The following NKAIN2 variants were observed in gnomAD, a reference collection of about 807,000 sequenced individuals.
NKAIN2 encodes the protein sodium/potassium transporting ATPase interacting 2.
In NKAIN2, 14 loss-of-function variants were observed where a neutral mutation model predicts 32.6. The observed-to-expected ratio is 0.43, with a 90% confidence interval of 0.28 to 0.67. The LOEUF is 0.67. NKAIN2 is among the 30% of genes least tolerant of loss of function. NKAIN2 has a pLI of 0.17. For synonymous variants in NKAIN2, 80 were observed against 87.2 expected (o/e 0.92, Z 0.46); for missense variants, 198 against 258.3 (o/e 0.77, Z 1.60).
chr6:124,030,769 T>G (rs1395340175), intron 1 of NKAIN2, among the ~76,000 whole-genome samples: 1 of 152,172 alleles, frequency 6.6e-6, no homozygotes, highest in East Asian at 1.9e-4. Context: ...CCTAAGTTAG[T>G]GTCTGGAATG....
intron 1 of NKAIN2, among the ~76,000 whole-genome samples, chr6:124,191,906 A>G (rs1369816909): frequency 6.8e-6 from 1 of 147,218 alleles, no homozygotes; most frequent in Non-Finnish European, 1.5e-5. Flanking sequence ...TATTGGTCTA[A>G]AGATGTTGGT....
In NKAIN2 at chr6:123,819,223, TC is replaced by T. The variant is rs549829123; in HGVS notation, c.54+14971del. Reference sequence around the variant, plus strand: ...TGCTCAGGGTGAAAAGCAGGAGTCTTCCATCTGTATGCCTCGGGAATAGTAT... The same window carrying T: ...TGCTCAGGGTGAAAAGCAGGAGTCTTCATCTGTATGCCTCGGGAATAGTAT... On this transcript the variant is annotated intron_variant, in intron 1 of 6. Transcript: ENST00000368417. 7.9e-5 allele frequency among the ~76,000 whole-genome samples: 12 copies of T among 152,276 alleles called. No homozygotes were observed. The South Asian group carries it at 2.3e-3, about 29-fold the overall frequency.
chr6:124,472,169 AC>A (rs2114675141), intron 3 of NKAIN2, among the ~76,000 whole-genome samples: 1 of 152,260 alleles, frequency 6.6e-6, no homozygotes, highest in Non-Finnish European at 1.5e-5. Flanking sequence ...TCTGTAACAC[AC>A]ACCTAAGAAT....
chr6:124,542,559 A>G (rs1779950037), intron 3 of NKAIN2, among the ~76,000 whole-genome samples: 1 of 152,154 alleles, frequency 6.6e-6, no homozygotes, highest in Non-Finnish European at 1.5e-5. Context: ...GAAGACCTCC[A>G]CAACTGCCTA....
At chr6:123,861,748 A>T (rs540548337) in intron 1 of NKAIN2, among the ~76,000 whole-genome samples, 1 of 152,050 alleles carries the variant, frequency 6.6e-6, no homozygotes, top group South Asian at 2.1e-4. Context: ...TTTATTTTTT[A>T]TTTTTTCCTA....
chr6:124,763,892 C>T (rs373166814), intron 4 of NKAIN2, among the ~76,000 whole-genome samples: 2 of 152,014 alleles, frequency 1.3e-5, no homozygotes, highest in South Asian at 4.1e-4. Context: ...CATTTGCTTC[C>T]CTCAAATGTT....
intron 1 of NKAIN2, among the ~76,000 whole-genome samples, chr6:123,947,957 G>A (rs1418271342): frequency 2.6e-5 from 4 of 151,832 alleles, no homozygotes; most frequent in Non-Finnish European, 5.9e-5. Context: ...ATCTCTTATT[G>A]TCTACCTCCA....
At chr6:123,978,721 A>G (rs973557206) in intron 1 of NKAIN2, among the ~76,000 whole-genome samples, 1 of 152,180 alleles carries the variant, frequency 6.6e-6, no homozygotes, top group African/African-American at 2.4e-5. Context: ...ACACACACAT[A>G]TTAGACACTC....
At chr6:124,273,806 T>A (rs891481276) in intron 1 of NKAIN2, among the ~76,000 whole-genome samples, 4 of 152,204 alleles carry the variant, frequency 2.6e-5, no homozygotes, top group Non-Finnish European at 5.9e-5. Flanking sequence ...TTGTATCAGT[T>A]GAGACTCCTT....
At chr6:124,115,916 G>A (rs1378675900) in intron 1 of NKAIN2, among the ~76,000 whole-genome samples, 2 of 151,956 alleles carry the variant, frequency 1.3e-5, no homozygotes, top group Non-Finnish European at 2.9e-5. Context: ...TGGTGTCTTA[G>A]TGTGCTATGT....
chr6:124,252,817 C>T (rs543252055), intron 1 of NKAIN2, among the ~76,000 whole-genome samples: 1 of 151,994 alleles, frequency 6.6e-6, no homozygotes, highest in Non-Finnish European at 1.5e-5. Flanking sequence ...CCTCAGTATC[C>T]TTATCTCTAA....
intron 1 of NKAIN2, among the ~76,000 whole-genome samples, chr6:124,233,002 G>T (rs1189940861): frequency 1.3e-5 from 2 of 152,284 alleles, no homozygotes; most frequent in East Asian, 3.9e-4. Context: ...CTTGGTGGCA[G>T]CTTTCAGTAG....
intron 4 of NKAIN2, among the ~76,000 whole-genome samples, chr6:124,763,607 G>A (rs145583944): frequency 3.1e-3 from 471 of 152,282 alleles, no homozygotes; most frequent in Non-Finnish European, 4.2e-3. Context: ...TGAGATTTGG[G>A]TGGGGACACA....
rs73567569 is a variant in NKAIN2 at position 124,553,851 on chromosome 6, C to G, written c.274-104335C>G. On this transcript the variant is annotated intron_variant, in intron 3 of 6. Transcript: ENST00000368417. ...GGGTTGTTTGAGGAAGGGAACATAT[C>G]TTGACAGGTGCTTTCTATAACATTA... is the stretch of plus-strand genomic sequence containing the variant. Among the ~76,000 whole-genome samples, 390 of 152,254 alleles carry G rather than the reference C, an allele frequency of 2.6e-3. 2 individuals are homozygous for G. The highest frequency in any genetic ancestry group is 9.0e-3 in the African/African-American group (375 of 41,562).
At chr6:123,809,976 T>C (rs1024778796) in intron 1 of NKAIN2, among the ~76,000 whole-genome samples, 2 of 152,216 alleles carry the variant, frequency 1.3e-5, no homozygotes, top group African/African-American at 4.8e-5. Flanking sequence ...ATTTCATACA[T>C]TTTTAAATAA....
intron 1 of NKAIN2, among the ~76,000 whole-genome samples, chr6:124,168,227 T>A (rs1788671178): frequency 6.6e-6 from 1 of 152,156 alleles, no homozygotes; most frequent in Non-Finnish European, 1.5e-5. Context: ...GCCATAAGTC[T>A]GTAAAATTTG....
At chr6:124,036,736 A>C (rs920939595) in intron 1 of NKAIN2, among the ~76,000 whole-genome samples, 6 of 152,244 alleles carry the variant, frequency 3.9e-5, no homozygotes, top group African/African-American at 9.6e-5. Context: ...TATAGGAATC[A>C]GTCCTCAAAA....
intron 1 of NKAIN2, among the ~76,000 whole-genome samples, chr6:124,047,344 G>A (rs1372961142): frequency 6.6e-6 from 1 of 151,884 alleles, no homozygotes; most frequent in Non-Finnish European, 1.5e-5. Flanking sequence ...GTCTTTTGTT[G>A]AAAGTCAGTA....
At chr6:123,884,184 T>G (rs548007528) in intron 1 of NKAIN2, among the ~76,000 whole-genome samples, 19 of 152,078 alleles carry the variant, frequency 1.2e-4, no homozygotes, top group African/African-American at 2.9e-4. Context: ...TTCATTTAGC[T>G]CCCCCTTATA....
Sources: allele counts gnomAD v4.1 joint callset (sites outside exome capture counted in the v4.1 genomes callset), GRCh38; gene constraint gnomAD v4.1.1; transcripts MANE v1.5; gene names NCBI Gene and HGNC (gene_info 2026-07-23, HGNC 2026-07-21).